The following BRD2 variants were observed in gnomAD, a reference collection of about 807,000 sequenced individuals.
BRD2 encodes the protein bromodomain-containing protein 2.
BRD2 carries 15 observed loss-of-function variants against 79.1 expected under a neutral mutation model. The ratio of observed to expected loss-of-function variants is 0.19; its 90% confidence interval spans 0.13 to 0.29. The LOEUF (loss-of-function observed/expected upper bound fraction) is 0.29. Ranked by LOEUF, BRD2 falls within the 10% of genes least tolerant of loss-of-function variation. The pLI is 1.00. For synonymous variants in BRD2, 488 were observed against 358.6 expected (o/e 1.36, Z -4.08); for missense variants, 1,053 against 991.3 (o/e 1.06, Z -0.84).
rs1778008064 is a variant in BRD2, at chr6:32,971,757, C to T, written c.-1142C>T. 2 of 589,082 alleles carry T rather than the reference C, an allele frequency of 3.4e-6. No homozygotes were observed. Among genetic ancestry groups the T allele is most frequent in the Non-Finnish European group, 6.0e-6 (2 of 332,448 alleles). The allele number at this position is 589,082 out of a possible 1,614,324, so 36.5% of individuals were successfully genotyped here. On this transcript the variant is annotated 5_prime_UTR_variant, in exon 2 of 13. It introduces an in-frame stop codon into an upstream open reading frame of the 5' UTR. Coordinates refer to ENST00000374825, the MANE Select transcript of BRD2 (RefSeq NM_005104.4). ...AATGGCACGACCTGCTCGAGCTTGG[C>T]AGTCTCCAGTTGGGCTGTGCATGGA...
rs1779417344 is a variant in BRD2, at chr6:32,980,675, C to A, written c.2363C>A (p.Ser788Tyr). ...SSSSDSSSSS[S>Y]SSSSSDTSDS... ...AGCTCAGATTCCAGCTCCTCCTCTT[C>A]CTCGTCGTCGTCTTCAGACACCAGT... Residue 788 changes from serine (S) to tyrosine (Y), a missense_variant, in exon 13 of 13, where the codon TCC (serine) becomes TAC (tyrosine). Physicochemically the swap from Ser to Tyr is moderately radical, Grantham distance 144. Coordinates refer to ENST00000374825, the MANE Select transcript of BRD2 (RefSeq NM_005104.4). 2 of 1,613,160 alleles carry A rather than the reference C, an allele frequency of 1.2e-6. No homozygotes were observed. The highest frequency in any genetic ancestry group is 1.7e-6 in the Non-Finnish European group (2 of 1,180,052).
Position 32,980,652 on chromosome 6 carries a change from C to G in BRD2, c.2340C>G (p.Ser780Arg). Residue 780 changes from serine (S) to arginine (R), a missense_variant, in exon 13 of 13, where the codon AGC becomes AGG. By Grantham distance (110) the Ser-to-Arg change is moderately radical (BLOSUM62 -1). Around this residue, in one of 5 missense-constraint regions of BRD2, gnomAD observed 139 missense variants for 133.2 expected, o/e 1.04. Coordinates refer to ENST00000374825, the MANE Select transcript of BRD2 (RefSeq NM_005104.4). ...CACGCCTTAGCGCTTCCAGCTCCAG[C>G]TCAGATTCCAGCTCCTCCTCTTCCT... ...AVSRLSASSS[S>R]SDSSSSSSSS... 1.9e-6 allele frequency: 3 copies of G among 1,613,174 alleles called. No individual in the cohort carries two copies. The highest frequency in any genetic ancestry group is 2.5e-6 in the Non-Finnish European group (3 of 1,180,034).
At chr6:32,978,763 G>A (rs1779111440) in intron 10 of BRD2, 1 of 261,484 alleles carries the variant, frequency 3.8e-6, no homozygotes. Context: ...TTCACCTCCT[G>A]CGTAGCCCAG....
rs1779449881 is a variant in BRD2, at chr6:32,980,823, C to CT, written c.*105_*106insT. Reference sequence around the variant, plus strand: ...TTGCTGTGACACTTCTTCATCTCACCCCCCCCCGCCCCCCTCTAGGAGAGC... The same window carrying CT: ...TTGCTGTGACACTTCTTCATCTCACCTCCCCCCCGCCCCCCTCTAGGAGAGC... On this transcript the variant is annotated 3_prime_UTR_variant, in exon 13 of 13. Transcript: ENST00000374825. 3.9e-6 allele frequency: 5 copies of CT among 1,282,648 alleles called. No homozygotes were observed. In the Admixed American group the frequency reaches 6.1e-5, roughly 16 times the overall value. The allele number at this position is 1,282,648 out of a possible 1,614,324, so 79.5% of individuals were successfully genotyped here. A position where few individuals can be genotyped will look rare whatever the true frequency, so the allele number is the denominator to read the frequency against.
chr6:32,976,134 C>T lies in BRD2; in HGVS notation c.575C>T (p.Pro192Leu). The stretch of plus-strand genomic sequence containing the variant: ...GAACAAGAGCTGGTAGTGACCATCC[C>T]TAAGAACAGCCACAAGAAGGGGGCC... ...QEEQELVVTI[P>L]KNSHKKGAKL... The change falls in exon 5 of 13, where the codon CCT becomes CTT. Residue 192 changes from proline (P) to leucine (L), a missense_variant. Pro to Leu is a moderately conservative substitution (Grantham distance 98, BLOSUM62 -3). Coordinates refer to ENST00000374825, the MANE Select transcript of BRD2 (RefSeq NM_005104.4). 6.2e-7 allele frequency: 1 copy of T among 1,612,848 alleles called. No homozygotes were observed. The highest frequency in any genetic ancestry group is 1.1e-5 in the South Asian group (1 of 91,022).
In BRD2 at chr6:32,973,036, G is replaced by C. The variant is rs781636153; in HGVS notation, c.29+109G>C. 6.2e-6 allele frequency: 10 copies of C among 1,610,856 alleles called. No individual in the cohort carries two copies. The South Asian group carries it at 8.8e-5, about 14-fold the overall frequency. On this transcript the variant is annotated intron_variant, in intron 2 of 12. Coordinates refer to ENST00000374825, the MANE Select transcript of BRD2 (RefSeq NM_005104.4). ...AGCGGCCCCGGCGCGCTGCTGTTGC[G>C]GCGCAGCTGTCGACTCGGTCGCGCG...
At position 32,974,626 on chromosome 6, in the gene BRD2, A is replaced by G; in HGVS notation, c.194A>G (p.Glu65Gly). The change falls in exon 3 of 13, where the codon GAG becomes GGG. Residue 65 changes from glutamate to glycine, a missense_variant. Physicochemically the swap from Glu to Gly is moderately conservative, Grantham distance 98 (BLOSUM62 -2). Around this residue, in one of 5 missense-constraint regions of BRD2, gnomAD observed 413 missense variants for 335.1 expected, o/e 1.23. Transcript: ENST00000374825. ...ACCCCTGCCAACCCACCACCCCCGGAGGTGTCCAATCCCAAAAAGCCAGGA... is the reference window on the plus strand; with the variant it reads ...ACCCCTGCCAACCCACCACCCCCGGGGGTGTCCAATCCCAAAAAGCCAGGA... ...QLTPANPPPP[E>G]VSNPKKPGRV... The G allele has an allele frequency of 6.2e-7, 1 of 1,614,188 alleles. No homozygotes were observed. The highest frequency in any genetic ancestry group is 8.5e-7 in the Non-Finnish European group (1 of 1,180,026).
rs755716859 is a variant in BRD2, at chr6:32,977,866, C to T, written c.1439C>T (p.Ser480Phe). ...GGCTTGGCCAAATCGTCTTCAGAGT[C>T]CTCCAGTGAGGAAAGTAGCAGTGAG... ...PPGLAKSSSESSSEESSSESS... is the reference protein window; with the variant it reads ...PPGLAKSSSEFSSEESSSESS... The change falls in exon 9 of 13, where the codon TCC becomes TTC. Residue 480 changes from serine to phenylalanine, a missense_variant. Coordinates refer to ENST00000374825, the MANE Select transcript of BRD2 (RefSeq NM_005104.4). 3 of 1,613,074 alleles carry T rather than the reference C, an allele frequency of 1.9e-6. No individual in the cohort carries two copies. The highest frequency in any genetic ancestry group is 2.5e-6 in the Non-Finnish European group (3 of 1,180,034).
At position 32,980,885 on chromosome 6, in the gene BRD2, C is replaced by G. The variant is rs1779461863; in HGVS notation, c.*167C>G. 5.2e-6 allele frequency: 4 copies of G among 769,104 alleles called. No homozygotes were observed. The South Asian group carries it at 7.1e-5, about 14-fold the overall frequency. 47.6% of individuals were successfully genotyped at this position (769,104 alleles called of 1,614,324 possible). On this transcript the variant is annotated 3_prime_UTR_variant, in exon 13 of 13. Transcript: ENST00000374825. The stretch of plus-strand genomic sequence containing the variant: ...TGGGGGAGGGATGCAGGGACATTTA[C>G]TGAAGGAGGGACATGGACAAAACAA...
Position 32,978,401 on chromosome 6 carries a change from A to G in BRD2, c.1841+13A>G, listed in dbSNP as rs746431607. 11 of 1,607,676 alleles carry G rather than the reference A, an allele frequency of 6.8e-6. No individual in the cohort carries two copies. Among genetic ancestry groups the G allele is most frequent in the South Asian group, 4.4e-5 (4 of 90,608 alleles). ...GAAGTGGCACCAAGTGAGTTAGAGT[A>G]GGAAGCAGAGACTAGTTTGGCTATT... On this transcript the variant is annotated intron_variant, in intron 10 of 12. Transcript: ENST00000374825.
chr6:32,975,283 G>GTGTGT lies in BRD2; in HGVS notation c.334-101_334-100insTGTGT, dbSNP rs1554143900. ...GTAACTGTTCCTTTGATGCATAGGG[G>GTGTGT]GGGTGTGTGTGTGTGTGTGTGTGTG... On this transcript the variant is annotated intron_variant, in intron 3 of 12. Transcript: ENST00000374825. The GTGTGT allele has an allele frequency of 2.7e-3, 2,567 of 937,404 alleles. 3 individuals are homozygous for GTGTGT. The highest frequency in any genetic ancestry group is 3.3e-3 in the Middle Eastern group (10 of 3,032). 58.1% of individuals were successfully genotyped at this position (937,404 alleles called of 1,614,324 possible).
In BRD2 at chr6:32,968,641, G is replaced by GT. The variant is rs975677676; in HGVS notation, c.-1719dup. 2 of 153,242 alleles carry GT rather than the reference G, an allele frequency of 1.3e-5. No homozygotes were observed. Among genetic ancestry groups the GT allele is most frequent in the Admixed American group, 6.5e-5 (1 of 15,318 alleles). 9.5% of individuals were successfully genotyped at this position (153,242 alleles called of 1,614,324 possible). A position where few individuals can be genotyped will look rare whatever the true frequency, so the allele number is the denominator to read the frequency against. ...ATGCTGAACTCGTATGGAGAGGCGA[G>GT]TGGGGGGGACAGAGTCCAGGACTGC... On this transcript the variant is annotated 5_prime_UTR_variant, in exon 1 of 13. An upstream open reading frame in the 5' UTR loses its in-frame stop. Coordinates refer to ENST00000374825, the MANE Select transcript of BRD2 (RefSeq NM_005104.4).
rs111483230 is a variant in BRD2 at position 32,972,686 on chromosome 6, C to T, written c.-213C>T. The T allele has an allele frequency of 1.7e-3, 1,137 of 656,262 alleles. 10 individuals are homozygous for T. The highest frequency in any genetic ancestry group is 0.017 in the African/African-American group (932 of 54,948). 40.7% of individuals were successfully genotyped at this position (656,262 alleles called of 1,614,324 possible). A position where few individuals can be genotyped will look rare whatever the true frequency, so the allele number is the denominator to read the frequency against. On this transcript the variant is annotated 5_prime_UTR_variant, in exon 2 of 13. Transcript: ENST00000374825. ...GCCGCCGCCATTTTCTTGCTGTCCG[C>T]CGTCTGCAGAGCGCGCCAAGCTGCC...
Position 32,977,967 on chromosome 6 carries a change from G to A in BRD2, c.1540G>A (p.Glu514Lys). ...EEESESSDSE[E>K]ERAHRLAELQ... ...AGAGAGTGAAAGCTCAGACTCAGAG[G>A]AAGAAAGGGCTCATCGCTTAGCAGA... The change falls in exon 9 of 13, where the codon GAA (glutamate) becomes AAA (lysine). Residue 514 changes from glutamate (E) to lysine (K), a missense_variant. Physicochemically the swap from Glu to Lys is moderately conservative, Grantham distance 56. This residue lies in a region of BRD2 where 454 missense variants were observed against 430.5 expected (regional missense o/e 1.05). Transcript: ENST00000374825. The A allele has an allele frequency of 1.2e-6, 2 of 1,611,730 alleles. No homozygotes were observed. The highest frequency in any genetic ancestry group is 1.7e-6 in the Non-Finnish European group (2 of 1,180,016).
Position 32,977,861 on chromosome 6 carries a change from A to G in BRD2, c.1434A>G (p.Ser478=). 6.2e-7 allele frequency: 1 copy of G among 1,613,150 alleles called. No individual in the cohort carries two copies. ...AMPPGLAKSS[S]ESSSEESSSE... ...CCCCTGGCTTGGCCAAATCGTCTTC[A>G]GAGTCCTCCAGTGAGGAAAGTAGCA... is the stretch of plus-strand genomic sequence containing the variant. Residue 478 remains serine (S), a synonymous_variant, in exon 9 of 13, where the codon TCA becomes TCG. Transcript: ENST00000374825.
At chr6:32,980,188 T>C in intron 11 of BRD2, 56 bp downstream of exon 11, 2 of 1,582,530 alleles carry the variant, frequency 1.3e-6, no homozygotes, top group Non-Finnish European at 1.7e-6. Flanking sequence ...GGAAAGATGG[T>C]GGGGTCTGTT....
At chr6:32,976,193 A>G in intron 5 of BRD2, 24 bp downstream of exon 5, 3 of 1,575,010 alleles carry the variant, frequency 1.9e-6, no homozygotes, top group African/African-American at 1.6e-5. Context: ...GAGTTTTGCA[A>G]ATGGACAACT....
At chr6:32,980,246 C>T in intron 11 of BRD2, 96 bp from the exon 12 acceptor site, 2 of 1,577,424 alleles carry the variant, frequency 1.3e-6, no homozygotes, top group Non-Finnish European at 1.7e-6. Flanking sequence ...TGTTGGTTGG[C>T]AGCTGACGTT....
intron 1 of BRD2, chr6:32,970,240 T>C (rs1214421877): frequency 6.6e-6 from 1 of 152,552 alleles, no homozygotes; most frequent in African/African-American, 2.4e-5. Flanking sequence ...GCAAAGTTGC[T>C]GTGTCATTGC....
Sources: allele counts gnomAD v4.1 joint callset, GRCh38; gene constraint gnomAD v4.1.1; regional missense constraint gnomAD v4.1.1; transcripts MANE v1.5; gene names NCBI Gene and HGNC (gene_info 2026-07-23, HGNC 2026-07-21).